VPS13B: variants seen among roughly 807,000 people sequenced by gnomAD.
The protein encoded by VPS13B is vacuolar protein sorting 13 homolog B, also known as intermembrane lipid transfer protein VPS13B.
In VPS13B, 285 loss-of-function variants were observed where a neutral mutation model predicts 426.4. That is an observed-to-expected ratio of 0.67 (90% CI 0.61 to 0.74). VPS13B has a LOEUF of 0.74. Ranked by LOEUF, VPS13B falls within the 30% of genes least tolerant of loss-of-function variation. The pLI is 0.00. For missense variants in VPS13B, 4,537 were observed against 4,782.6 expected (o/e 0.95, Z 1.51); for synonymous variants, 1,676 against 1,676.4 (o/e 1.00, Z 0.01).
chr8:99,531,184 C>T (rs1365220387), intron 30 of VPS13B, among the ~76,000 whole-genome samples: 3 of 152,126 alleles, frequency 2.0e-5, no homozygotes, highest in Non-Finnish European at 2.9e-5. Context: ...AGTGTTTGAG[C>T]TCTTTGGTCC....
intron 29 of VPS13B, among the ~76,000 whole-genome samples, chr8:99,514,862 C>A (rs1821973639): frequency 1.3e-5 from 2 of 152,088 alleles, no homozygotes; most frequent in Non-Finnish European, 2.9e-5. Flanking sequence ...TGAGGAACCA[C>A]CAAACTTCTT....
chr8:99,624,900 G>A (rs949790592), intron 33 of VPS13B, among the ~76,000 whole-genome samples: 1 of 149,930 alleles, frequency 6.7e-6, no homozygotes, highest in Non-Finnish European at 1.5e-5. Flanking sequence ...TCACCACAAC[G>A]TCCGCCTCCC....
chr8:99,339,165 G>T (rs1811093878), intron 19 of VPS13B, among the ~76,000 whole-genome samples: 1 of 152,064 alleles, frequency 6.6e-6, no homozygotes, highest in Non-Finnish European at 1.5e-5. Flanking sequence ...TTTGCTATTT[G>T]TATTCTTTTG....
At chr8:99,208,429 T>A (rs938841056) in intron 17 of VPS13B, among the ~76,000 whole-genome samples, 2 of 152,206 alleles carry the variant, frequency 1.3e-5, no homozygotes, top group Admixed American at 6.5e-5. Flanking sequence ...ATTTCATAAT[T>A]TAAAATGAAA....
intron 24 of VPS13B, among the ~76,000 whole-genome samples, chr8:99,479,007 G>GTA (rs1267447575): frequency 6.6e-6 from 1 of 151,924 alleles, no homozygotes; most frequent in African/African-American, 2.4e-5. Context: ...TGTTGACATT[G>GTA]TATATCCATG....
chr8:99,841,663 G>T (rs1026467915), intron 54 of VPS13B, among the ~76,000 whole-genome samples: 4 of 152,232 alleles, frequency 2.6e-5, no homozygotes, highest in African/African-American at 9.6e-5. Context: ...CCTACCTTCT[G>T]CCTACTGCTT....
intron 30 of VPS13B, among the ~76,000 whole-genome samples, chr8:99,546,464 A>C (rs1173152192): frequency 6.6e-6 from 1 of 151,976 alleles, no homozygotes; most frequent in Non-Finnish European, 1.5e-5. Context: ...GAGGGGACTG[A>C]ATTTATAGTC....
rs747363890 is a variant in VPS13B, at chr8:99,870,784, G to A, written c.11393-1G>A. On this transcript the variant is annotated splice_acceptor_variant, in intron 59 of 61. Coordinates refer to ENST00000357162, the MANE Select transcript of VPS13B (RefSeq NM_152564.5). LOFTEE classifies it high-confidence loss of function. ...AAACTCCCTTACTTCTCTTACCACA[G>A]GTATTTTACATGGAGCTGGACTTTC... 1 of 1,614,090 alleles carries A rather than the reference G, an allele frequency of 6.2e-7. No individual in the cohort carries two copies. The highest frequency in any genetic ancestry group is 8.5e-7 in the Non-Finnish European group (1 of 1,179,966).
At chr8:99,078,582 C>T (rs769593292) in intron 3 of VPS13B, among the ~76,000 whole-genome samples, 12 of 151,804 alleles carry the variant, frequency 7.9e-5, no homozygotes, top group Non-Finnish European at 1.5e-4. Context: ...GTCCTTGGTG[C>T]CCTGTGTGGC....
intron 25 of VPS13B, among the ~76,000 whole-genome samples, chr8:99,492,174 C>T (rs1820640014): frequency 1.3e-5 from 2 of 152,158 alleles, no homozygotes; most frequent in African/African-American, 4.8e-5. Flanking sequence ...ACCCTGTTTG[C>T]CTGGGTATCA....
At chr8:99,455,076 A>C (rs966396597) in intron 23 of VPS13B, among the ~76,000 whole-genome samples, 1 of 151,874 alleles carries the variant, frequency 6.6e-6, no homozygotes, top group African/African-American at 2.4e-5. Context: ...TGTTCTCTTG[A>C]GTGTTTTTGT....
At chr8:99,378,134 G>GCCCCCC (rs57177303) in intron 19 of VPS13B, among the ~76,000 whole-genome samples, 4 of 70,486 alleles carry the variant, frequency 5.7e-5, no homozygotes, top group East Asian at 6.3e-4. Context: ...CCATTTTAGA[G>GCCCCCC]CCCCCCCCCC....
intron 30 of VPS13B, among the ~76,000 whole-genome samples, chr8:99,529,572 G>T (rs1484315073): frequency 6.6e-6 from 1 of 152,136 alleles, no homozygotes; most frequent in East Asian, 1.9e-4. Flanking sequence ...ATTATAAAAT[G>T]TAAAAGGGAA....
chr8:99,528,429 T>C (rs1490986137), intron 30 of VPS13B, among the ~76,000 whole-genome samples: 1 of 152,092 alleles, frequency 6.6e-6, no homozygotes, highest in Non-Finnish European at 1.5e-5. Context: ...ATAGTAGATA[T>C]ATATTTTTGA....
chr8:99,526,649 T>G (rs752824496), intron 30 of VPS13B, among the ~76,000 whole-genome samples: 1 of 152,146 alleles, frequency 6.6e-6, no homozygotes, highest in Non-Finnish European at 1.5e-5. Context: ...GGAAGATTTG[T>G]TTTGGAGGAT....
intron 16 of VPS13B, among the ~76,000 whole-genome samples, chr8:99,185,513 A>G (rs1813173000): frequency 6.6e-6 from 1 of 152,160 alleles, no homozygotes; most frequent in Admixed American, 6.5e-5. Context: ...AAGTGAACTA[A>G]TCTTATTTTA....
chr8:99,359,851 G>A (rs957292847), intron 19 of VPS13B, among the ~76,000 whole-genome samples: 1 of 152,144 alleles, frequency 6.6e-6, no homozygotes, highest in Non-Finnish European at 1.5e-5. Context: ...TGCCCAGGCT[G>A]GAGTGCAGTG....
intron 33 of VPS13B, among the ~76,000 whole-genome samples, chr8:99,604,269 G>A (rs1827462302): frequency 6.6e-6 from 1 of 152,016 alleles, no homozygotes. Flanking sequence ...TTCCCTTCTT[G>A]TCAACATTCT....
chr8:99,446,660 G>C (rs186326592), intron 23 of VPS13B, among the ~76,000 whole-genome samples: 45 of 152,038 alleles, frequency 3.0e-4, no homozygotes, highest in Non-Finnish European at 4.4e-5. Flanking sequence ...TTTCAATTGT[G>C]TCTAATATTT....
Sources: gnomAD v4.1 joint callset for allele counts (sites outside exome capture counted in the v4.1 genomes callset) on GRCh38, gnomAD v4.1.1 for gene constraint, MANE v1.5 for transcripts, NCBI Gene and HGNC (gene_info 2026-07-23, HGNC 2026-07-21) for gene names.